The following ARHGAP26 variants were observed in gnomAD, a reference collection of about 807,000 sequenced individuals.
ARHGAP26 encodes the protein rho GTPase-activating protein 26.
Under a neutral mutation model 104.8 loss-of-function variants are expected in ARHGAP26, and 38 were observed. The observed-to-expected ratio is 0.36, with a 90% CI of 0.28 to 0.48. The LOEUF is 0.48. ARHGAP26 is among the 20% of genes least tolerant of loss of function. ARHGAP26 has a pLI of 0.99. For missense variants in ARHGAP26, 704 were observed against 947.9 expected (o/e 0.74, Z 3.38); for synonymous variants, 341 against 340.0 (o/e 1.00, Z -0.03).
Position 142,854,360 on chromosome 5 carries a change from C to G in ARHGAP26, c.155-19040C>G, listed in dbSNP as rs530493204. Among the ~76,000 whole-genome samples the G allele has an allele frequency of 6.6e-4, 100 of 152,304 alleles. 1 individual carries two copies. Among genetic ancestry groups the G allele is most frequent in the African/African-American group, 2.3e-3 (96 of 41,558 alleles). On this transcript the variant is annotated intron_variant, in intron 1 of 22. Coordinates refer to ENST00000645722, the MANE Select transcript of ARHGAP26 (RefSeq NM_001135608.3). ...TTGCATCTGCAGTTTTACATTCTTG[C>G]CACTGAAATTTTCAGTGTTTATAGT...
chr5:143,028,384 A>C (rs1414096873), intron 12 of ARHGAP26, among the ~76,000 whole-genome samples: 1 of 152,242 alleles, frequency 6.6e-6, no homozygotes, highest in Non-Finnish European at 1.5e-5. Context: ...ACTGTAATGT[A>C]TTATCCCTCA....
intron 1 of ARHGAP26, among the ~76,000 whole-genome samples, chr5:142,837,241 A>G (rs1769766199): frequency 6.6e-6 from 1 of 152,178 alleles, no homozygotes; most frequent in Non-Finnish European, 1.5e-5. Flanking sequence ...ACGTCATGAG[A>G]AAGTTTCCCA....
At chr5:143,158,746 A>G (rs373198275) in intron 20 of ARHGAP26, among the ~76,000 whole-genome samples, 5 of 152,340 alleles carry the variant, frequency 3.3e-5, no homozygotes, top group African/African-American at 7.2e-5. Flanking sequence ...TGATGGGGCT[A>G]TTCCCTGGCT....
intron 17 of ARHGAP26, among the ~76,000 whole-genome samples, chr5:143,115,996 A>G (rs1486306760): frequency 0.23 from 12 of 52 alleles, no homozygotes; most frequent in Non-Finnish European, 0.3. Flanking sequence ...GGATAAAAAT[A>G]GAATCGACAG....
intron 16 of ARHGAP26, among the ~76,000 whole-genome samples, chr5:143,056,975 T>G (rs1270982121): frequency 6.6e-6 from 1 of 152,210 alleles, no homozygotes; most frequent in Non-Finnish European, 1.5e-5. Flanking sequence ...CATTCTCTAC[T>G]TAAACCTCAC....
intron 1 of ARHGAP26, among the ~76,000 whole-genome samples, chr5:142,844,627 G>A (rs1771548110): frequency 6.7e-6 from 1 of 150,090 alleles, no homozygotes; most frequent in Non-Finnish European, 1.5e-5. Flanking sequence ...CAGTTTGGGA[G>A]GCCAAGGCGG....
intron 1 of ARHGAP26, among the ~76,000 whole-genome samples, chr5:142,801,004 A>C (rs1335382135): frequency 6.6e-6 from 1 of 152,070 alleles, no homozygotes; most frequent in African/African-American, 2.4e-5. Flanking sequence ...TCTGGGCAAG[A>C]GTGTGTGTGT....
In ARHGAP26 at chr5:143,165,970, T is replaced by A. The variant is rs1030317042; in HGVS notation, c.1988+18589T>A. On this transcript the variant is annotated intron_variant, in intron 20 of 22. Coordinates refer to ENST00000645722, the MANE Select transcript of ARHGAP26 (RefSeq NM_001135608.3). ...ACTTTGCATGGCTTCTGGCTCATAA[T>A]CAGGGCTCAGTAAAAGTTACCTGCC... The A allele has an allele frequency of 2.1e-5, 26 of 1,241,876 alleles. No homozygotes were observed. The South Asian group carries it at 3.6e-4, about 17-fold the overall frequency. The allele number at this position is 1,241,876 out of a possible 1,614,324, so 76.9% of individuals were successfully genotyped here.
At position 143,224,141 on chromosome 5, in the gene ARHGAP26, G is replaced by T. The variant is rs914062042; in HGVS notation, c.*1695G>T. The T allele has an allele frequency of 1.3e-5, 3 of 227,950 alleles. No homozygotes were observed. Among genetic ancestry groups the T allele is most frequent in the Non-Finnish European group, 2.6e-5 (3 of 114,870 alleles). The allele number at this position is 227,950 out of a possible 1,614,324, so 14.1% of individuals were successfully genotyped here. A position where few individuals can be genotyped will look rare whatever the true frequency, so the allele number is the denominator to read the frequency against. On this transcript the variant is annotated 3_prime_UTR_variant, in exon 23 of 23. Coordinates refer to ENST00000645722, the MANE Select transcript of ARHGAP26 (RefSeq NM_001135608.3). ...TTTTGAAAAGATAAACTTGTAAATA[G>T]AGTGATTTGAAATACTATATGGCAA...
intron 12 of ARHGAP26, among the ~76,000 whole-genome samples, chr5:143,035,284 C>A (rs777105069): frequency 1.3e-5 from 2 of 152,120 alleles, no homozygotes; most frequent in African/African-American, 2.4e-5. Context: ...AACGTGGAAC[C>A]AGCCCAAATG....
At chr5:143,012,102 G>T (rs556992355) in intron 11 of ARHGAP26, among the ~76,000 whole-genome samples, 1 of 152,148 alleles carries the variant, frequency 6.6e-6, no homozygotes, top group African/African-American at 2.4e-5. Flanking sequence ...TCTCTAGAGC[G>T]TTTAGGTATA....
intron 1 of ARHGAP26, among the ~76,000 whole-genome samples, chr5:142,778,416 T>A (rs1756799508): frequency 6.6e-6 from 1 of 152,208 alleles, no homozygotes; most frequent in Admixed American, 6.5e-5. Context: ...AGCAGTTTGG[T>A]ATGCATTTTT....
Position 143,205,417 on chromosome 5 carries a change from G to A in ARHGAP26, c.1989-1781G>A, listed in dbSNP as rs867374341. ...ATATGAATCCGCCAGACCGAACACT[G>A]GAGGCAGGATTGGGGATTTTGTTGG... On this transcript the variant is annotated intron_variant, in intron 20 of 22. Transcript: ENST00000645722. 9.2e-5 allele frequency among the ~76,000 whole-genome samples: 14 copies of A among 152,286 alleles called. 1 individual carries two copies. Among genetic ancestry groups the A allele is most frequent in the Middle Eastern group, 6.8e-3 (2 of 294 alleles).
chr5:143,063,634 T>A (rs760812092), intron 17 of ARHGAP26, among the ~76,000 whole-genome samples: 25 of 151,998 alleles, frequency 1.6e-4, no homozygotes, highest in African/African-American at 6.0e-4. Flanking sequence ...GCATGAAGAG[T>A]CTCTTGACCG....
intron 18 of ARHGAP26, among the ~76,000 whole-genome samples, chr5:143,124,289 C>G (rs1038473623): frequency 6.6e-6 from 1 of 152,386 alleles, no homozygotes; most frequent in South Asian, 2.1e-4. Flanking sequence ...ACCTAGGCAT[C>G]TAGCCATTGG....
chr5:142,986,548 C>T (rs1460361448), intron 11 of ARHGAP26, among the ~76,000 whole-genome samples: 1 of 152,082 alleles, frequency 6.6e-6, no homozygotes, highest in Non-Finnish European at 1.5e-5. Context: ...GTTGCTATTG[C>T]TTTTGGTGTT....
chr5:143,110,610 T>G (rs1794665408), intron 17 of ARHGAP26, among the ~76,000 whole-genome samples: 1 of 152,236 alleles, frequency 6.6e-6, no homozygotes. Flanking sequence ...CCCTCTGGCA[T>G]CTTTTTCTAG....
At chr5:143,189,790 C>T (rs1015149936) in intron 20 of ARHGAP26, among the ~76,000 whole-genome samples, 2 of 152,144 alleles carry the variant, frequency 1.3e-5, no homozygotes. Context: ...TGTTCTCGCC[C>T]ACCCTACCTT....
At chr5:143,198,476 A>G (rs1807203394) in intron 20 of ARHGAP26, among the ~76,000 whole-genome samples, 1 of 152,338 alleles carries the variant, frequency 6.6e-6, no homozygotes, top group African/African-American at 2.4e-5. Context: ...ATTAAGGTCA[A>G]TAAGTATTGT....
Sources: allele counts gnomAD v4.1 joint callset (sites outside exome capture counted in the v4.1 genomes callset), GRCh38; gene constraint gnomAD v4.1.1; transcripts MANE v1.5; gene names NCBI Gene and HGNC (gene_info 2026-07-23, HGNC 2026-07-21).